MYO16: variants seen among roughly 807,000 people sequenced by gnomAD.
The protein encoded by MYO16 is unconventional myosin-XVI.
In MYO16, 94 loss-of-function variants were observed where a neutral mutation model predicts 205.3. The observed-to-expected ratio is 0.46, with a 90% CI of 0.39 to 0.54. The LOEUF (loss-of-function observed/expected upper bound fraction) is 0.54, where lower values mean the gene tolerates loss of function less well. Ranked by LOEUF, MYO16 falls within the 20% of genes least tolerant of loss-of-function variation. MYO16 has a pLI of 0.00. For synonymous variants in MYO16, 988 were observed against 954.0 expected, an observed-to-expected ratio of 1.04 and a Z score of -0.66; for missense variants, 2,315 against 2,387.5, an observed-to-expected ratio of 0.97 and a Z score of 0.63.
intron 27 of MYO16, among the ~76,000 whole-genome samples, chr13:109,092,952 A>G (rs1888666544): frequency 6.6e-6 from 1 of 152,222 alleles, no homozygotes; most frequent in Non-Finnish European, 1.5e-5. Flanking sequence ...TTAAAAATAC[A>G]GACTCCAAAA....
chr13:108,567,688 C>T, the MYO16 span, among the ~76,000 whole-genome samples: 1 of 151,888 alleles, frequency 6.6e-6, no homozygotes, highest in Non-Finnish European at 1.5e-5. Flanking sequence ...TCTGTTTTAA[C>T]ATCTTTATTG....
intron 16 of MYO16, among the ~76,000 whole-genome samples, chr13:108,920,040 C>G (rs77816538): frequency 0.015 from 2,314 of 152,312 alleles, 20 homozygotes; most frequent in Non-Finnish European, 0.026. Flanking sequence ...ATCTGGATTT[C>G]AGAACATATT....
At chr13:108,698,680 A>G (rs1883182603) in intron 2 of MYO16, among the ~76,000 whole-genome samples, 1 of 152,214 alleles carries the variant, frequency 6.6e-6, no homozygotes, top group African/African-American at 2.4e-5. Context: ...AGTGAGAAAC[A>G]ACCAGTTTAA....
chr13:108,647,415 G>A (rs1880803593), intron 1 of MYO16, among the ~76,000 whole-genome samples: 1 of 152,048 alleles, frequency 6.6e-6, no homozygotes, highest in African/African-American at 2.4e-5. Context: ...TGGTTCCTGT[G>A]GCAGAACTGA....
At chr13:108,544,848 T>C in the MYO16 span, among the ~76,000 whole-genome samples, 1 of 152,174 alleles carries the variant, frequency 6.6e-6, no homozygotes, top group African/African-American at 2.4e-5. Context: ...GAACATGCCA[T>C]GCAATGTTCG....
chr13:109,166,973 A>G (rs1016283775), intron 33 of MYO16: 6 of 152,198 alleles, frequency 3.9e-5, no homozygotes, highest in African/African-American at 1.4e-4. Context: ...GACCACAGTC[A>G]TCTTGAGACT....
chr13:109,013,793 G>A (rs1385846564), intron 22 of MYO16, among the ~76,000 whole-genome samples: 1 of 152,118 alleles, frequency 6.6e-6, no homozygotes, highest in Non-Finnish European at 1.5e-5. Flanking sequence ...CATATCCTTT[G>A]TCCACTTTTT....
chr13:108,747,815 G>A (rs9514893), intron 4 of MYO16, among the ~76,000 whole-genome samples: 58,719 of 151,688 alleles, frequency 0.39, 11,799 homozygotes, highest in East Asian at 0.55. Flanking sequence ...ATGCAGACAG[G>A]ATAAATGTAA....
At chr13:108,664,769 T>C (rs903398479) in intron 1 of MYO16, among the ~76,000 whole-genome samples, 1 of 152,198 alleles carries the variant, frequency 6.6e-6, no homozygotes, top group Non-Finnish European at 1.5e-5. Flanking sequence ...AATAGTAAAA[T>C]TTTAACCTAG....
intron 27 of MYO16, among the ~76,000 whole-genome samples, chr13:109,057,631 C>G (rs1000728022): frequency 6.6e-6 from 1 of 152,036 alleles, no homozygotes; most frequent in African/African-American, 2.4e-5. Flanking sequence ...AGATGCCGAA[C>G]CTGTTAAGAG....
At chr13:108,850,263 C>G (rs1173955135) in intron 10 of MYO16, among the ~76,000 whole-genome samples, 1 of 152,172 alleles carries the variant, frequency 6.6e-6, no homozygotes, top group Non-Finnish European at 1.5e-5. Flanking sequence ...TACCAACCTC[C>G]CAGAGAGAAA....
At chr13:108,953,482 A>T (rs1371760810) in intron 16 of MYO16, among the ~76,000 whole-genome samples, 1 of 152,160 alleles carries the variant, frequency 6.6e-6, no homozygotes, top group Admixed American at 6.5e-5. Flanking sequence ...AATCACTGTG[A>T]ACTAGAAATG....
chr13:108,983,287 A>G (rs147821834), intron 20 of MYO16, among the ~76,000 whole-genome samples: 99 of 152,172 alleles, frequency 6.5e-4, no homozygotes, highest in African/African-American at 2.4e-3. Context: ...GCATTTCTCC[A>G]TCTGAATCTC....
chr13:109,052,239 A>G (rs1887267575), intron 24 of MYO16, 61 bp from the exon 25 acceptor site: 1 of 1,430,704 alleles, frequency 7.0e-7, no homozygotes, highest in Admixed American at 1.7e-5. Context: ...ATGAAGAATA[A>G]GTTCAATGCT....
chr13:108,914,497 A>G (rs1189475569), intron 16 of MYO16, among the ~76,000 whole-genome samples: 3 of 152,106 alleles, frequency 2.0e-5, no homozygotes, highest in Admixed American at 6.5e-5. Flanking sequence ...TCTTCCTTCA[A>G]ATTCATTCTC....
At chr13:109,097,006 A>G (rs548341624) in intron 27 of MYO16, among the ~76,000 whole-genome samples, 3 of 152,318 alleles carry the variant, frequency 2.0e-5, no homozygotes, top group East Asian at 1.9e-4. Context: ...CTCAGACATT[A>G]TCAAACCTAA....
chr13:108,897,673 G>A (rs1880494087), intron 14 of MYO16, among the ~76,000 whole-genome samples: 1 of 152,106 alleles, frequency 6.6e-6, no homozygotes, highest in Non-Finnish European at 1.5e-5. Flanking sequence ...AAATGCAAAC[G>A]CTATTTTACT....
chr13:109,122,455 G>T (rs528787670), intron 29 of MYO16, among the ~76,000 whole-genome samples: 3 of 152,152 alleles, frequency 2.0e-5, no homozygotes, highest in Non-Finnish European at 4.4e-5. Flanking sequence ...GAGGCAGGCG[G>T]ATCACCTGTG....
At chr13:108,905,051 CTCTT>C (rs972854321) in intron 15 of MYO16, among the ~76,000 whole-genome samples, 68 of 152,094 alleles carry the variant, frequency 4.5e-4, no homozygotes, top group African/African-American at 1.4e-3. Flanking sequence ...TTTTAATTAG[CTCTT>C]TCTTTTTCTA....
Sources: gnomAD v4.1 joint callset for allele counts (sites outside exome capture counted in the v4.1 genomes callset) on GRCh38, gnomAD v4.1.1 for gene constraint, MANE v1.5 for transcripts, NCBI Gene and HGNC (gene_info 2026-07-23, HGNC 2026-07-21) for gene names.